ROBO2: variants seen among roughly 807,000 people sequenced by gnomAD.
The protein encoded by ROBO2 is roundabout guidance receptor 2.
Under a neutral mutation model 160.8 loss-of-function variants are expected in ROBO2, and 53 were observed. The observed-to-expected ratio is 0.33, with a 90% CI of 0.26 to 0.41. ROBO2 has a LOEUF of 0.41. Among genes scored for constraint, ROBO2 ranks in the 10% least tolerant of loss-of-function variants. The pLI is 1.00. For synonymous variants in ROBO2, 664 were observed against 611.7 expected (o/e 1.09, Z -1.26); for missense variants, 1,577 against 1,722.4 (o/e 0.92, Z 1.49).
At chr3:77,578,051 C>G (rs2093814213) in intron 15 of ROBO2, among the ~76,000 whole-genome samples, 2 of 152,074 alleles carry the variant, frequency 1.3e-5, no homozygotes, top group Admixed American at 1.3e-4. Context: ...AGCACCGACT[C>G]TCACTCTAGA....
intron 5 of ROBO2, among the ~76,000 whole-genome samples, chr3:77,505,802 G>C (rs562224991): frequency 6.6e-6 from 1 of 152,162 alleles, no homozygotes; most frequent in African/African-American, 2.4e-5. Flanking sequence ...AATCTGAGGG[G>C]CAAATATAAA....
chr3:76,952,269 C>T (rs994197395), intron 2 of ROBO2, among the ~76,000 whole-genome samples: 5 of 152,028 alleles, frequency 3.3e-5, no homozygotes, highest in South Asian at 2.1e-4. Flanking sequence ...GCATTGTAAC[C>T]TATTTTTATT....
At chr3:77,373,007 C>A (rs950337450) in intron 2 of ROBO2, among the ~76,000 whole-genome samples, 1 of 149,774 alleles carries the variant, frequency 6.7e-6, no homozygotes, top group Non-Finnish European at 1.5e-5. Context: ...CTTACTCCAC[C>A]AGGTATGTTA....
chr3:76,217,820 G>A (rs1319962162), intron 2 of ROBO2, among the ~76,000 whole-genome samples: 1 of 152,174 alleles, frequency 6.6e-6, no homozygotes, highest in East Asian at 1.9e-4. Context: ...TATGAGGCCA[G>A]CATCATCCTG....
At chr3:76,879,608 C>G (rs548588642) in intron 2 of ROBO2, among the ~76,000 whole-genome samples, 2 of 152,028 alleles carry the variant, frequency 1.3e-5, no homozygotes, top group Admixed American at 1.3e-4. Flanking sequence ...TCCAGAAGAT[C>G]AAAGCAAACA....
intron 2 of ROBO2, among the ~76,000 whole-genome samples, chr3:77,272,294 C>T (rs1182514571): frequency 6.6e-6 from 1 of 152,120 alleles, no homozygotes; most frequent in East Asian, 1.9e-4. Context: ...TTAACTGTCT[C>T]ACAGTTCCAC....
chr3:76,738,301 T>C (rs2093747759), intron 2 of ROBO2, among the ~76,000 whole-genome samples: 1 of 152,138 alleles, frequency 6.6e-6, no homozygotes, highest in African/African-American at 2.4e-5. Flanking sequence ...ACATAGACAA[T>C]AAATAGGTAT....
At chr3:77,230,574 A>G (rs956634856) in intron 2 of ROBO2, among the ~76,000 whole-genome samples, 2 of 152,182 alleles carry the variant, frequency 1.3e-5, no homozygotes, top group African/African-American at 4.8e-5. Context: ...AAATGGAACC[A>G]TTGTTAGGGC....
chr3:76,267,525 TTTAA>T (rs1383917604), intron 2 of ROBO2, among the ~76,000 whole-genome samples: 2 of 152,186 alleles, frequency 1.3e-5, no homozygotes, highest in Non-Finnish European at 2.9e-5. Context: ...CCTTTTGCAA[TTTAA>T]TTATGCTATC....
At chr3:76,649,478 T>C (rs560415567) in intron 2 of ROBO2, among the ~76,000 whole-genome samples, 50 of 146,712 alleles carry the variant, frequency 3.4e-4, no homozygotes, top group African/African-American at 1.2e-3. Context: ...TGAGTGTCAA[T>C]ATTTCACATT....
chr3:76,672,694 G>T (rs1336552823), intron 2 of ROBO2, among the ~76,000 whole-genome samples: 1 of 152,110 alleles, frequency 6.6e-6, no homozygotes, highest in Admixed American at 6.6e-5. Context: ...GACTTTTCAT[G>T]CATTTTATTC....
At chr3:77,425,085 A>G (rs1329907005) in intron 2 of ROBO2, among the ~76,000 whole-genome samples, 1 of 152,118 alleles carries the variant, frequency 6.6e-6, no homozygotes, top group Admixed American at 6.6e-5. Flanking sequence ...GTGAAAGGCA[A>G]ATTGGTAAAT....
chr3:76,292,871 A>G (rs1370686116), intron 2 of ROBO2, among the ~76,000 whole-genome samples: 1 of 151,910 alleles, frequency 6.6e-6, no homozygotes, highest in Non-Finnish European at 1.5e-5. Context: ...TAGTGATCTT[A>G]TTGTACTGAC....
chr3:76,795,657 G>T (rs1016851055), intron 2 of ROBO2, among the ~76,000 whole-genome samples: 1 of 151,986 alleles, frequency 6.6e-6, no homozygotes, highest in Non-Finnish European at 1.5e-5. Flanking sequence ...CTCCACTTCA[G>T]TCTTAAACTT....
intron 2 of ROBO2, among the ~76,000 whole-genome samples, chr3:76,939,747 G>A (rs1392319796): frequency 6.6e-6 from 1 of 152,014 alleles, no homozygotes; most frequent in Non-Finnish European, 1.5e-5. Context: ...TTTTGCTGCT[G>A]CACTCAAGCC....
intron 2 of ROBO2, among the ~76,000 whole-genome samples, chr3:76,892,709 C>CA (rs2074444305): frequency 2.0e-5 from 3 of 152,176 alleles, no homozygotes; most frequent in Non-Finnish European, 4.4e-5. Flanking sequence ...GAGAAAAACA[C>CA]ACAACCAAAC....
At chr3:76,256,903 T>C (rs1006647103) in intron 2 of ROBO2, among the ~76,000 whole-genome samples, 1 of 151,870 alleles carries the variant, frequency 6.6e-6, no homozygotes, top group East Asian at 1.9e-4. Flanking sequence ...GCATCTCACA[T>C]GGTAAGAAGG....
At chr3:76,411,634 C>G (rs867155381) in intron 2 of ROBO2, among the ~76,000 whole-genome samples, 1 of 152,162 alleles carries the variant, frequency 6.6e-6, no homozygotes, top group Non-Finnish European at 1.5e-5. Flanking sequence ...ATATCCAACT[C>G]TCCCTCCAAC....
chr3:77,341,771 A>T (rs368979841), intron 2 of ROBO2, among the ~76,000 whole-genome samples: 1 of 152,092 alleles, frequency 6.6e-6, no homozygotes, highest in East Asian at 1.9e-4. Context: ...TGCTTTGTGG[A>T]ATAGATTTTG....
Sources: allele counts gnomAD v4.1 joint callset (sites outside exome capture counted in the v4.1 genomes callset), GRCh38; gene constraint gnomAD v4.1.1; transcripts MANE v1.5; gene names NCBI Gene and HGNC (gene_info 2026-07-23, HGNC 2026-07-21).